ITGA1: variants seen among roughly 807,000 people sequenced by gnomAD.
ITGA1 encodes the protein integrin alpha-1.
Under a neutral mutation model 145.9 loss-of-function variants are expected in ITGA1, and 85 were observed. The observed-to-expected ratio is 0.58, with a 90% CI of 0.49 to 0.70. The LOEUF (loss-of-function observed/expected upper bound fraction) is 0.70, where lower values mean the gene tolerates loss of function less well. Among genes scored for constraint, ITGA1 ranks in the 30% least tolerant of loss-of-function variants. ITGA1 has a pLI of 0.00. For missense variants in ITGA1, 1,351 were observed against 1,418.7 expected (o/e 0.95, Z 0.77); for synonymous variants, 520 against 495.3 (o/e 1.05, Z -0.66).
chr5:52,875,684 C>A (rs1749855637), intron 6 of ITGA1, among the ~76,000 whole-genome samples: 1 of 152,148 alleles, frequency 6.6e-6, no homozygotes, highest in African/African-American at 2.4e-5. Flanking sequence ...TCTTTACAAT[C>A]TCTGGGAAAG....
In ITGA1 at chr5:52,818,307, C is replaced by CCTACATTT. The variant is rs200168215; in HGVS notation, c.61+29894_61+29895insTACATTTC. Among the ~76,000 whole-genome samples, 1,017 of 152,066 alleles carry CCTACATTT rather than the reference C, an allele frequency of 6.7e-3. 11 individuals are homozygous for CCTACATTT. The highest frequency in any genetic ancestry group is 0.023 in the African/African-American group (967 of 41,490). ...GGTGTGTAAATCACATTGTAACTGGCCACTATTACTTTTTGGAGTTCTAAC... is the reference window on the plus strand; with the variant it reads ...GGTGTGTAAATCACATTGTAACTGGCCTACATTTCACTATTACTTTTTGGAGTTCTAAC... On this transcript the variant is annotated intron_variant, in intron 1 of 28. Transcript: ENST00000282588.
intron 18 of ITGA1, among the ~76,000 whole-genome samples, chr5:52,924,634 G>C (rs1750776127): frequency 1.3e-5 from 2 of 152,216 alleles, no homozygotes; most frequent in Non-Finnish European, 2.9e-5. Flanking sequence ...AGAGTGAAGA[G>C]TGGTTGGAGG....
chr5:52,833,276 A>C (rs1749105910), intron 1 of ITGA1, among the ~76,000 whole-genome samples: 3 of 152,150 alleles, frequency 2.0e-5, no homozygotes, highest in Admixed American at 2.0e-4. Context: ...AGTAAAACAG[A>C]CTTTTACTAT....
intron 9 of ITGA1, among the ~76,000 whole-genome samples, chr5:52,895,396 C>T (rs1750209488): frequency 6.6e-6 from 1 of 152,120 alleles, no homozygotes; most frequent in Non-Finnish European, 1.5e-5. Context: ...GTGTCATTTA[C>T]CAATAAACCA....
At chr5:52,852,509 G>A (rs1309877206) in intron 2 of ITGA1, among the ~76,000 whole-genome samples, 1 of 152,158 alleles carries the variant, frequency 6.6e-6, no homozygotes, top group Non-Finnish European at 1.5e-5. Context: ...GGTCAATGAA[G>A]GTGTAGGAGA....
intron 15 of ITGA1, among the ~76,000 whole-genome samples, chr5:52,916,107 C>T (rs1471195493): frequency 6.6e-6 from 1 of 152,098 alleles, no homozygotes; most frequent in Non-Finnish European, 1.5e-5. Flanking sequence ...CTTTCAGATA[C>T]ATACATTCAT....
chr5:52,844,840 T>A (rs1749308950), intron 1 of ITGA1, among the ~76,000 whole-genome samples: 1 of 152,186 alleles, frequency 6.6e-6, no homozygotes, highest in African/African-American at 2.4e-5. Context: ...TTTGCTTTAC[T>A]TCTGGTACAT....
intron 1 of ITGA1, among the ~76,000 whole-genome samples, chr5:52,848,630 A>G (rs1474705354): frequency 6.6e-6 from 1 of 151,968 alleles, no homozygotes; most frequent in East Asian, 1.9e-4. Context: ...CACAATGTGC[A>G]AGTTTGTTAC....
At chr5:52,918,306 G>A (rs187794419) in intron 15 of ITGA1, among the ~76,000 whole-genome samples, 1 of 152,150 alleles carries the variant, frequency 6.6e-6, no homozygotes, top group East Asian at 1.9e-4. Context: ...CCTAGAAATA[G>A]AGGAAGAGCT....
At chr5:52,919,990 A>G (rs1026955771) in intron 16 of ITGA1, among the ~76,000 whole-genome samples, 1 of 152,200 alleles carries the variant, frequency 6.6e-6, no homozygotes, top group African/African-American at 2.4e-5. Flanking sequence ...CAACATTTCT[A>G]AACTTAAAAA....
At chr5:52,938,945 C>T (rs780886019) in intron 24 of ITGA1, among the ~76,000 whole-genome samples, 1 of 152,032 alleles carries the variant, frequency 6.6e-6, no homozygotes, top group Non-Finnish European at 1.5e-5. Flanking sequence ...CTCTGTCACC[C>T]AGGCTGGAGT....
chr5:52,805,195 G>A (rs1748566709), intron 1 of ITGA1, among the ~76,000 whole-genome samples: 1 of 152,132 alleles, frequency 6.6e-6, no homozygotes, highest in Non-Finnish European at 1.5e-5. Context: ...ATGGGGAGGG[G>A]AAGTGTGCTA....
intron 1 of ITGA1, among the ~76,000 whole-genome samples, chr5:52,838,043 T>G (rs1257305063): frequency 1.3e-5 from 2 of 152,236 alleles, no homozygotes; most frequent in African/African-American, 4.8e-5. Context: ...CTAAGCGTTT[T>G]CAGGTGAATA....
chr5:52,847,815 C>G (rs750274730), intron 1 of ITGA1, among the ~76,000 whole-genome samples: 2 of 152,190 alleles, frequency 1.3e-5, no homozygotes, highest in Non-Finnish European at 2.9e-5. Context: ...TCTCAAAGTG[C>G]TGGGATTACA....
At chr5:52,833,911 A>G (rs1749115060) in intron 1 of ITGA1, among the ~76,000 whole-genome samples, 1 of 152,230 alleles carries the variant, frequency 6.6e-6, no homozygotes, top group Non-Finnish European at 1.5e-5. Flanking sequence ...GCAAACTTAC[A>G]TGAGATAATA....
chr5:52,856,097 A>G (rs561063941), intron 2 of ITGA1, among the ~76,000 whole-genome samples: 46 of 152,274 alleles, frequency 3.0e-4, no homozygotes, highest in African/African-American at 1.1e-3. Flanking sequence ...CTAGAGATCA[A>G]ACATAAACTC....
intron 6 of ITGA1, among the ~76,000 whole-genome samples, chr5:52,867,854 T>G (rs1749712838): frequency 6.6e-6 from 1 of 151,996 alleles, no homozygotes. Context: ...TGTTGTTTTT[T>G]TTCTTTCTGA....
rs1051397110 is a variant in ITGA1 at position 52,847,698 on chromosome 5, G to T, written c.62-1667G>T. On this transcript the variant is annotated intron_variant, in intron 1 of 28. Coordinates refer to ENST00000282588, the MANE Select transcript of ITGA1 (RefSeq NM_181501.2). ...CTCCCGATTAGCTGGGACTACAGGGGCATGCCACCACACCTGGCTAATATT... is the reference window on the plus strand; with the variant it reads ...CTCCCGATTAGCTGGGACTACAGGGTCATGCCACCACACCTGGCTAATATT... Among the ~76,000 whole-genome samples, 74 of 152,110 alleles carry T rather than the reference G, an allele frequency of 4.9e-4. 2 individuals carry two copies. The highest frequency in any genetic ancestry group is 1.0e-4 in the Non-Finnish European group (7 of 68,004).
chr5:52,806,794 TTTAAA>T (rs1301324802), intron 1 of ITGA1, among the ~76,000 whole-genome samples: 35 of 152,334 alleles, frequency 2.3e-4, no homozygotes, highest in African/African-American at 7.7e-4. Flanking sequence ...AATGTTTTAA[TTTAAA>T]TTGAGAAATG....
Sources: gnomAD v4.1 joint callset for allele counts (sites outside exome capture counted in the v4.1 genomes callset) on GRCh38, gnomAD v4.1.1 for gene constraint, MANE v1.5 for transcripts, NCBI Gene and HGNC (gene_info 2026-07-23, HGNC 2026-07-21) for gene names.